The following ZDHHC14 variants were observed in gnomAD, a reference collection of about 807,000 sequenced individuals.
ZDHHC14 encodes the protein zDHHC palmitoyltransferase 14, also known as palmitoyltransferase ZDHHC14.
ZDHHC14 carries 16 observed loss-of-function variants against 47.7 expected under a neutral mutation model. The ratio of observed to expected loss-of-function variants is 0.34; its 90% confidence interval spans 0.23 to 0.51. The LOEUF is 0.51. Among genes scored for constraint, ZDHHC14 ranks in the 20% least tolerant of loss-of-function variants. ZDHHC14 has a pLI of 0.97. For synonymous variants in ZDHHC14, 293 were observed against 278.9 expected (o/e 1.05, Z -0.50); for missense variants, 515 against 662.5 (o/e 0.78, Z 2.44).
chr6:157,394,760 G>C (rs903392671), intron 1 of ZDHHC14, among the ~76,000 whole-genome samples: 5 of 152,168 alleles, frequency 3.3e-5, no homozygotes, highest in Admixed American at 3.3e-4. Flanking sequence ...ATATCTTGGG[G>C]CACTTTATTA....
At position 157,381,350 on chromosome 6, in the gene ZDHHC14, T is replaced by C. The variant is rs868788631; in HGVS notation, c.-672T>C. 2 of 156,844 alleles carry C rather than the reference T, an allele frequency of 1.3e-5. No individual in the cohort carries two copies. The highest frequency in any genetic ancestry group is 6.6e-5 in the Admixed American group (1 of 15,158). 9.7% of individuals were successfully genotyped at this position (156,844 alleles called of 1,614,324 possible). Reference sequence around the variant, plus strand: ...CCCGCGCGGGGGCCGCGGATTCGACTAGGCTGCCAGGCGCAGCGACACCGG... The same window carrying C: ...CCCGCGCGGGGGCCGCGGATTCGACCAGGCTGCCAGGCGCAGCGACACCGG... On this transcript the variant is annotated 5_prime_UTR_variant, in exon 1 of 9. Coordinates refer to ENST00000359775, the MANE Select transcript of ZDHHC14 (RefSeq NM_024630.3).
At chr6:157,658,592 A>C (rs1330805585) in intron 8 of ZDHHC14, among the ~76,000 whole-genome samples, 1 of 152,140 alleles carries the variant, frequency 6.6e-6, no homozygotes, top group Non-Finnish European at 1.5e-5. Context: ...GTCATACCAG[A>C]ACTTTCTTGA....
intron 1 of ZDHHC14, among the ~76,000 whole-genome samples, chr6:157,516,410 G>A (rs1449820702): frequency 1.3e-5 from 2 of 152,184 alleles, no homozygotes; most frequent in East Asian, 3.9e-4. Flanking sequence ...TGTCATTCCC[G>A]TGAACAGGTT....
At chr6:157,672,664 CCT>C in intron 8 of ZDHHC14, 58 bp from the exon 9 acceptor site, 2 of 931,564 alleles carry the variant, frequency 2.1e-6, no homozygotes. Context: ...CATCCCTGTC[CCT>C]CCCCACCTCT....
chr6:157,655,336 A>G (rs1778036734), intron 8 of ZDHHC14, among the ~76,000 whole-genome samples: 1 of 152,204 alleles, frequency 6.6e-6, no homozygotes, highest in Admixed American at 6.5e-5. Context: ...TTTAAGTAGG[A>G]GAGATTGATC....
chr6:157,533,108 C>T (rs1781422986), intron 1 of ZDHHC14, among the ~76,000 whole-genome samples: 1 of 152,152 alleles, frequency 6.6e-6, no homozygotes, highest in Non-Finnish European at 1.5e-5. Context: ...ATAGGATTGT[C>T]TCCGCTGTAC....
chr6:157,513,117 A>G (rs1440245625), intron 1 of ZDHHC14, among the ~76,000 whole-genome samples: 1 of 152,244 alleles, frequency 6.6e-6, no homozygotes, highest in Non-Finnish European at 1.5e-5. Context: ...TGTTATTTCT[A>G]AGGAGATTCT....
chr6:157,562,332 C>T (rs1283430268), intron 2 of ZDHHC14, among the ~76,000 whole-genome samples: 2 of 152,186 alleles, frequency 1.3e-5, no homozygotes, highest in Non-Finnish European at 2.9e-5. Context: ...GCTGGTGCAG[C>T]CTCAGAGAAG....
intron 2 of ZDHHC14, 64 bp from the exon 3 acceptor site, chr6:157,592,924 C>T (rs1039213807): frequency 6.6e-6 from 10 of 1,526,124 alleles, no homozygotes; most frequent in African/African-American, 2.8e-5. Context: ...TCCAGGCGGA[C>T]GGGTCCCGCC....
At chr6:157,499,927 A>G (rs1412441812) in intron 1 of ZDHHC14, among the ~76,000 whole-genome samples, 4 of 152,216 alleles carry the variant, frequency 2.6e-5, no homozygotes, top group Non-Finnish European at 5.9e-5. Context: ...TTAGCCATGA[A>G]TGAGACAAAA....
chr6:157,386,232 C>T (rs189369271), intron 1 of ZDHHC14, among the ~76,000 whole-genome samples: 1 of 152,280 alleles, frequency 6.6e-6, no homozygotes, highest in Admixed American at 6.5e-5. Context: ...CCTGGCCGGG[C>T]ACAGTGGTTC....
chr6:157,523,429 T>C (rs969866274), intron 1 of ZDHHC14, among the ~76,000 whole-genome samples: 4 of 152,148 alleles, frequency 2.6e-5, no homozygotes, highest in African/African-American at 7.2e-5. Flanking sequence ...AGGGTTCTAA[T>C]GGGACACTGG....
In ZDHHC14 at chr6:157,450,616, C is replaced by T. The variant is rs577815925; in HGVS notation, c.245+68350C>T. Among the ~76,000 whole-genome samples, 7 of 152,138 alleles carry T rather than the reference C, an allele frequency of 4.6e-5. No individual in the cohort carries two copies. The South Asian group carries it at 1.0e-3, about 23-fold the overall frequency. Reference sequence around the variant, plus strand: ...ACGAAAAGGTCTGGAACTAACCAGCCCGTAAATGGATCAACCATTACTTTA... The same window carrying T: ...ACGAAAAGGTCTGGAACTAACCAGCTCGTAAATGGATCAACCATTACTTTA... On this transcript the variant is annotated intron_variant, in intron 1 of 8. Transcript: ENST00000359775.
chr6:157,430,353 A>G (rs1002142472), intron 1 of ZDHHC14, among the ~76,000 whole-genome samples: 1 of 151,248 alleles, frequency 6.6e-6, no homozygotes, highest in African/African-American at 2.4e-5. Context: ...ATTGTATTAC[A>G]GTTTTGGAGG....
At chr6:157,546,158 C>A (rs1201222474) in intron 2 of ZDHHC14, among the ~76,000 whole-genome samples, 1 of 152,220 alleles carries the variant, frequency 6.6e-6, no homozygotes. Flanking sequence ...GGGGTGCAGG[C>A]ACCTGCAAGC....
chr6:157,653,675 T>C (rs1777947763), intron 8 of ZDHHC14, 48 bp downstream of exon 8: 2 of 1,579,424 alleles, frequency 1.3e-6, no homozygotes, highest in African/African-American at 1.3e-5. Context: ...CTTTTGCTTG[T>C]GTGCTCACTA....
In ZDHHC14 at chr6:157,382,242, C is replaced by T. The variant is rs746324438; in HGVS notation, c.221C>T (p.Thr74Ile). 1.1e-5 allele frequency: 17 copies of T among 1,611,222 alleles called. No individual in the cohort carries two copies. Among genetic ancestry groups the T allele is most frequent in the Admixed American group, 1.7e-5 (1 of 59,570 alleles). Residue 74 changes from threonine (T) to isoleucine (I), a missense_variant, in exon 1 of 9, where the codon ACT becomes ATT. Around this residue, in one of 4 missense-constraint regions of ZDHHC14, gnomAD observed 229 missense variants for 351.5 expected, o/e 0.65. Coordinates refer to ENST00000359775, the MANE Select transcript of ZDHHC14 (RefSeq NM_024630.3). The part of the protein sequence containing the change: ...FYLTLVLILV[T>I]SGLFFAFDCP... ...CTGACGCTCGTCCTCATCCTGGTCACTAGCGGACTCTTCTTCGCCTTCGAG... is the reference window on the plus strand; with the variant it reads ...CTGACGCTCGTCCTCATCCTGGTCATTAGCGGACTCTTCTTCGCCTTCGAG...
intron 1 of ZDHHC14, among the ~76,000 whole-genome samples, chr6:157,417,669 T>G (rs533142925): frequency 1.9e-4 from 29 of 152,298 alleles, no homozygotes; most frequent in Non-Finnish European, 2.9e-4. Flanking sequence ...ATATGATACA[T>G]AAATCTATTA....
chr6:157,649,487 C>T (rs998672697), intron 7 of ZDHHC14, among the ~76,000 whole-genome samples: 2 of 152,204 alleles, frequency 1.3e-5, no homozygotes, highest in South Asian at 2.1e-4. Context: ...CTTGCCCTTC[C>T]GCTGTGCCAC....
Sources: allele counts gnomAD v4.1 joint callset (sites outside exome capture counted in the v4.1 genomes callset), GRCh38; gene constraint gnomAD v4.1.1; regional missense constraint gnomAD v4.1.1; transcripts MANE v1.5; gene names NCBI Gene and HGNC (gene_info 2026-07-23, HGNC 2026-07-21).